ERMP1: variants seen among roughly 807,000 people sequenced by gnomAD.
The protein encoded by ERMP1 is endoplasmic reticulum metallopeptidase 1.
Under a neutral mutation model 92.0 loss-of-function variants are expected in ERMP1, and 86 were observed. That is an observed-to-expected ratio of 0.93 (90% CI 0.79 to 1.12). ERMP1 has a LOEUF of 1.12. Ranked by LOEUF, ERMP1 falls within the 50% of genes most tolerant of loss-of-function variation. ERMP1 has a pLI of 0.00. For missense variants in ERMP1, 1,342 were observed against 1,116.3 expected, an observed-to-expected ratio of 1.20 and a Z score of -2.88; for synonymous variants, 530 against 412.8, an observed-to-expected ratio of 1.28 and a Z score of -3.44.
Position 5,832,887 on chromosome 9 carries a change from C to CCCG in ERMP1, c.138_140dup (p.Gly47dup). On this transcript the variant is annotated inframe_insertion, in exon 1 of 15. Transcript: ENST00000339450. ...CCCCGGGGCTCCTCTTCCGCGTCCTCCCGCCGCCGCTGCACCCATCCACCA... is the reference window on the plus strand; with the variant it reads ...CCCCGGGGCTCCTCTTCCGCGTCCTCCCGCCGCCGCCGCTGCACCCATCCACCA... The CCCG allele has an allele frequency of 1.9e-6, 3 of 1,539,100 alleles. No homozygotes were observed. The highest frequency in any genetic ancestry group is 1.7e-6 in the Non-Finnish European group (2 of 1,153,176).
chr9:5,798,755 T>A, intron 12 of ERMP1, 51 bp downstream of exon 12: 1 of 1,175,780 alleles, frequency 8.5e-7, no homozygotes, highest in Non-Finnish European at 1.3e-6. Flanking sequence ...ACTGATATGG[T>A]GACAAGACTT....
chr9:5,843,618 G>C (rs1478859253), intron 6 of ERMP1, among the ~76,000 whole-genome samples: 1 of 152,188 alleles, frequency 6.6e-6, no homozygotes, highest in Non-Finnish European at 1.5e-5. Context: ...TAGTTGAGAG[G>C]TCAGTCTTGT....
chr9:5,827,550 T>C (rs1829771742), intron 2 of ERMP1, among the ~76,000 whole-genome samples: 1 of 152,182 alleles, frequency 6.6e-6, no homozygotes, highest in African/African-American at 2.4e-5. Flanking sequence ...AGGGTATTCC[T>C]ATAAAATTTT....
At position 5,805,702 on chromosome 9, in the gene ERMP1, G is replaced by C; in HGVS notation, c.1632C>G (p.Tyr544Ter). 1 of 1,613,596 alleles carries C rather than the reference G, an allele frequency of 6.2e-7. No homozygotes were observed. Among genetic ancestry groups the C allele is most frequent in the Non-Finnish European group, 8.5e-7 (1 of 1,179,812 alleles). The change falls in exon 9 of 15, where the codon TAC (tyrosine) becomes TAG (stop). Residue 544 changes from tyrosine (Y) to a stop codon, truncating the protein, a stop_gained. Transcript: ENST00000339450. LOFTEE classifies it high-confidence loss of function. Reference protein sequence around the residue: ...VHCCFLVTLTYQGLCSAFISA... With the variant: ...VHCCFLVTLT ...TAATAAACGCCGAGCAAAGTCCTTG[G>C]TAAGTGAGGGTAACAAGAAAACAGC... is the stretch of plus-strand genomic sequence containing the variant.
At chr9:5,803,650 T>C (rs960861258) in intron 10 of ERMP1, among the ~76,000 whole-genome samples, 2 of 152,210 alleles carry the variant, frequency 1.3e-5, no homozygotes, top group African/African-American at 4.8e-5. Flanking sequence ...GAACCTAATC[T>C]ATAGATAACA....
At chr9:5,861,644 A>C (rs78178587) in intron 5 of ERMP1, among the ~76,000 whole-genome samples, 2,715 of 147,996 alleles carry the variant, frequency 0.018, 85 homozygotes, top group African/African-American at 0.063. Flanking sequence ...TAAGCCAGTA[A>C]GGGGCCCTAG....
intron 6 of ERMP1, among the ~76,000 whole-genome samples, chr9:5,859,027 T>G (rs1179276365): frequency 6.6e-6 from 1 of 152,224 alleles, no homozygotes; most frequent in East Asian, 1.9e-4. Flanking sequence ...GACTATTGTT[T>G]GCTCCATGTA....
intron 6 of ERMP1, among the ~76,000 whole-genome samples, chr9:5,851,066 A>C (rs1433064513): frequency 1.3e-5 from 2 of 152,228 alleles, no homozygotes; most frequent in South Asian, 2.1e-4. Flanking sequence ...TAGACCCTTC[A>C]GAACAAAATC....
At chr9:5,807,961 T>C (rs893472650) in intron 8 of ERMP1, among the ~76,000 whole-genome samples, 5 of 152,188 alleles carry the variant, frequency 3.3e-5, no homozygotes, top group Non-Finnish European at 5.9e-5. Context: ...CACATTCTTA[T>C]GGCTCTCTTA....
intron 4 of ERMP1, among the ~76,000 whole-genome samples, chr9:5,821,385 G>C (rs1006165198): frequency 1.3e-5 from 2 of 152,272 alleles, no homozygotes; most frequent in South Asian, 4.1e-4. Context: ...ATTATTAACA[G>C]TTTGTTTACA....
At chr9:5,825,664 C>G (rs1829705488) in intron 2 of ERMP1, among the ~76,000 whole-genome samples, 1 of 152,144 alleles carries the variant, frequency 6.6e-6, no homozygotes, top group African/African-American at 2.4e-5. Context: ...GTTTTCCTGC[C>G]AAAATCATAA....
At chr9:5,793,863 A>C (rs1482174586) in intron 13 of ERMP1, among the ~76,000 whole-genome samples, 1 of 152,134 alleles carries the variant, frequency 6.6e-6, no homozygotes, top group Non-Finnish European at 1.5e-5. Flanking sequence ...ACACCCCTCC[A>C]TCACTGAAAA....
Position 5,832,784 on chromosome 9 carries a change from T to C in ERMP1, c.244A>G (p.Ile82Val), listed in dbSNP as rs1830009111. The change falls in exon 1 of 15, where the codon ATC becomes GTC. Residue 82 changes from isoleucine (I) to valine (V), a missense_variant. By Grantham distance (29) the Ile-to-Val change is conservative. Coordinates refer to ENST00000339450, the MANE Select transcript of ERMP1 (RefSeq NM_024896.3). Reference sequence around the variant, plus strand: ...AGCTGCACCAGCGTCCGCAGCGCGATCAGGTAGAGCGCGAGCCCCAGCGCG... The same window carrying C: ...AGCTGCACCAGCGTCCGCAGCGCGACCAGGTAGAGCGCGAGCCCCAGCGCG... ...RAALGLALYL[I>V]ALRTLVQLSL... The C allele has an allele frequency of 1.3e-6, 2 of 1,500,650 alleles. No homozygotes were observed. The highest frequency in any genetic ancestry group is 1.8e-6 in the Non-Finnish European group (2 of 1,133,118). 93.0% of individuals were successfully genotyped at this position (1,500,650 alleles called of 1,614,324 possible). A position where few individuals can be genotyped will look rare whatever the true frequency, so the allele number is the denominator to read the frequency against.
chr9:5,806,427 ACTT>A (rs1317448961), intron 8 of ERMP1, among the ~76,000 whole-genome samples: 4 of 148,638 alleles, frequency 2.7e-5, no homozygotes, highest in Non-Finnish European at 5.9e-5. Flanking sequence ...TGCCATATAA[ACTT>A]TTTTTTTTTT....
In ERMP1 at chr9:5,861,753, A is replaced by G. The variant is rs186940473; in HGVS notation, n.3056-2142T>C. On this transcript the variant is annotated intron_variant and non_coding_transcript_variant, in intron 5 of 6. Transcript: ENST00000690753. The stretch of plus-strand genomic sequence containing the variant: ...TTTTTTTTTTTTTTGGTCTGCCCAG[A>G]AAAAGAATAGTCCAAGGTCAAAGGA... 9.6e-3 allele frequency among the ~76,000 whole-genome samples: 1,071 copies of G among 112,028 alleles called. 20 individuals carry two copies. The highest frequency in any genetic ancestry group is 0.036 in the African/African-American group (1,023 of 28,570). 73.5% of individuals were successfully genotyped at this position (112,028 alleles called of 152,430 possible). A position where few individuals can be genotyped will look rare whatever the true frequency, so the allele number is the denominator to read the frequency against.
intron 4 of ERMP1, among the ~76,000 whole-genome samples, chr9:5,814,522 C>T (rs1219210183): frequency 6.6e-6 from 1 of 152,170 alleles, no homozygotes. Flanking sequence ...GTGGGCAGAG[C>T]ACCTGAGGTC....
At chr9:5,833,236 G>C (rs1830031183), upstream of ERMP1, 6 of 492,450 alleles carry the variant, frequency 1.2e-5, no homozygotes, top group South Asian at 2.2e-4. Flanking sequence ...CGACCCAGCA[G>C]CGGGTGGTGG....
intron 4 of ERMP1, among the ~76,000 whole-genome samples, chr9:5,816,544 A>G (rs955282829): frequency 5.3e-5 from 8 of 152,214 alleles, no homozygotes; most frequent in African/African-American, 2.4e-5. Flanking sequence ...TTTTGCATCT[A>G]AAGTTGGTAT....
At chr9:5,846,441 C>A (rs1830234683) in intron 6 of ERMP1, among the ~76,000 whole-genome samples, 1 of 152,204 alleles carries the variant, frequency 6.6e-6, no homozygotes, top group African/African-American at 2.4e-5. Context: ...TAAAACCTCC[C>A]TTGGCCATTT....
Sources: allele counts gnomAD v4.1 joint callset (sites outside exome capture counted in the v4.1 genomes callset), GRCh38; gene constraint gnomAD v4.1.1; transcripts MANE v1.5; gene names NCBI Gene and HGNC (gene_info 2026-07-23, HGNC 2026-07-21).